BGN: variants seen among roughly 807,000 people sequenced by gnomAD.
BGN encodes bone/cartilage proteoglycan-I.
Under a neutral mutation model 20.0 loss-of-function variants are expected in BGN, and 6 were observed. The observed-to-expected ratio is 0.30, with a 90% CI of 0.16 to 0.59. The LOEUF is 0.59. Ranked by LOEUF, BGN falls within the 20% of genes least tolerant of loss-of-function variation. The pLI, the probability that BGN is intolerant of heterozygous loss-of-function variation, is 0.88. For missense variants in BGN, 292 were observed against 312.1 expected (o/e 0.94, Z 0.49); for synonymous variants, 146 against 134.6 (o/e 1.08, Z -0.59).
At chrX:153,504,598 G>A (rs1450610589) in intron 1 of BGN, 23 bp from the exon 2 acceptor site, 1 of 1,130,311 alleles carries the variant, frequency 8.8e-7, no homozygotes, top group Admixed American at 2.3e-5. Flanking sequence ...TGGTGCTGAT[G>A]ATCCCCTCGC....
chrX:153,505,438 G>A lies in BGN; in HGVS notation c.351+88G>A, dbSNP rs781823831. ...TGCGTGGACGTGTGGGGTATGAGAG[G>A]GGTTCGGGGACTCGTGGGGCTTCAG... On this transcript the variant is annotated intron_variant, in intron 3 of 7. Coordinates refer to ENST00000331595, the MANE Select transcript of BGN (RefSeq NM_001711.6). 7.4e-6 allele frequency: 6 copies of A among 812,388 alleles called. No individual in the cohort carries two copies. The South Asian group carries it at 1.5e-4, about 21-fold the overall frequency. The allele number at this position is 812,388 out of a possible 1,213,427, so 66.9% of individuals were successfully genotyped here. A position where few individuals can be genotyped will look rare whatever the true frequency, so the allele number is the denominator to read the frequency against.
intron 3 of BGN, 96 bp from the exon 4 acceptor site, chrX:153,505,767 A>T: frequency 2.7e-6 from 2 of 745,572 alleles, no homozygotes; most frequent in Non-Finnish European, 3.8e-6. Flanking sequence ...AACCTCCTCG[A>T]GGCCCAGTGG....
intron 7 of BGN, among the ~76,000 whole-genome samples, chrX:153,507,779 T>C (rs1228469914): frequency 1.8e-5 from 2 of 113,654 alleles, no homozygotes; most frequent in African/African-American, 6.4e-5. Flanking sequence ...GCGCCTCGCC[T>C]GCCCACCTCC....
chrX:153,508,620 C>T lies in BGN; in HGVS notation c.*175C>T, dbSNP rs948323355. 2.3e-4 allele frequency: 128 copies of T among 568,416 alleles called. No homozygotes were observed. The Middle Eastern group carries it at 2.7e-3, about 12-fold the overall frequency. The allele number at this position is 568,416 out of a possible 1,213,427, so 46.8% of individuals were successfully genotyped here. A position where few individuals can be genotyped will look rare whatever the true frequency, so the allele number is the denominator to read the frequency against. Reference sequence around the variant, plus strand: ...GCCCCATCACCGCCTCTCCCTGGCTCCCAAGGGTGCAGGTGGGCGCAAGGC... The same window carrying T: ...GCCCCATCACCGCCTCTCCCTGGCTTCCAAGGGTGCAGGTGGGCGCAAGGC... On this transcript the variant is annotated 3_prime_UTR_variant, in exon 8 of 8. Transcript: ENST00000331595.
chrX:153,508,115 C>T, intron 7 of BGN, 133 bp from the exon 8 acceptor site: 5 of 699,452 alleles, frequency 7.1e-6, no homozygotes, highest in Non-Finnish European at 1.1e-5. Flanking sequence ...TGGTTTGCTC[C>T]TCCCAACAAC....
At chrX:153,501,995 C>T (rs2089764055) in intron 1 of BGN, among the ~76,000 whole-genome samples, 1 of 112,567 alleles carries the variant, frequency 8.9e-6, no homozygotes, top group Non-Finnish European at 1.9e-5. Context: ...CCAGTCTTGC[C>T]GTGACTGGCC....
chrX:153,507,680 G>T (rs1227475404), intron 7 of BGN, among the ~76,000 whole-genome samples: 1 of 113,403 alleles, frequency 8.8e-6, no homozygotes, highest in Non-Finnish European at 1.9e-5. Flanking sequence ...AGCCAGCACC[G>T]CGCAGGCCAT....
Position 153,500,771 on chromosome X carries a change from GTGTGTGTGCA to G in BGN, c.-11-3832_-11-3823del, listed in dbSNP as rs782098706. Reference sequence around the variant, plus strand: ...CGTGTGTATAAATGTGTATGTGTGCGTGTGTGTGCATGTGTGTGCATGTGTGTATGTGTGC... The same window carrying G: ...CGTGTGTATAAATGTGTATGTGTGCGTGTGTGTGCATGTGTGTATGTGTGC... On this transcript the variant is annotated intron_variant, in intron 1 of 7. Transcript: ENST00000331595. Among the ~76,000 whole-genome samples, 142 of 109,961 alleles carry G rather than the reference GTGTGTGTGCA, an allele frequency of 1.3e-3. 1 individual carries two copies. Among genetic ancestry groups the G allele is most frequent in the Middle Eastern group, 5.0e-3 (1 of 201 alleles).
At chrX:153,506,995 C>T (rs1436680602) in intron 6 of BGN, 52 bp from the exon 7 acceptor site, 1 of 1,207,198 alleles carries the variant, frequency 8.3e-7, no homozygotes, top group Non-Finnish European at 1.1e-6. Context: ...TCGCGCCCAG[C>T]CCCCCATCCT....
chrX:153,505,462 A>G, intron 3 of BGN, 112 bp downstream of exon 3: 3 of 662,412 alleles, frequency 4.5e-6, no homozygotes, highest in Non-Finnish European at 6.8e-6. Flanking sequence ...GTGGGGCTTC[A>G]GGGTGAAGCC....
intron 4 of BGN, among the ~76,000 whole-genome samples, 180 bp from the exon 5 acceptor site, chrX:153,506,349 G>A (rs782041117): frequency 8.9e-6 from 1 of 112,050 alleles, no homozygotes; most frequent in Admixed American, 9.4e-5. Flanking sequence ...TAGCAGTCCT[G>A]GGGCTAGCAG....
At chrX:153,506,669 C>T (rs781816302) in intron 5 of BGN, 30 bp downstream of exon 5, 25 of 1,181,222 alleles carry the variant, frequency 2.1e-5, no homozygotes, top group Non-Finnish European at 2.8e-5. Context: ...TGCACGCCTG[C>T]CTGCCTCACC....
chrX:153,508,262 C>T lies in BGN; in HGVS notation c.924C>T (p.His308=). The change falls in exon 8 of 8, where the codon CAC becomes CAT. Residue 308 remains histidine, a synonymous_variant. Coordinates refer to ENST00000331595, the MANE Select transcript of BGN (RefSeq NM_001711.6). Reference sequence around the variant, plus strand: ...TCTGCCTTCAGGTGGTCTATCTGCACTCCAACAACATCACCAAAGTGGGTG... The same window carrying T: ...TCTGCCTTCAGGTGGTCTATCTGCATTCCAACAACATCACCAAAGTGGGTG... ...DLKLLQVVYL[H]SNNITKVGVN... 8.2e-7 allele frequency: 1 copy of T among 1,212,169 alleles called. No homozygotes were observed. The highest frequency in any genetic ancestry group is 1.1e-6 in the Non-Finnish European group (1 of 895,560).
intron 1 of BGN, among the ~76,000 whole-genome samples, chrX:153,499,967 G>C (rs1297937782): frequency 1.8e-5 from 2 of 113,387 alleles, no homozygotes; most frequent in East Asian, 2.8e-4. Context: ...GGTTGCTCAG[G>C]GGGGCAGACG....
Position 153,505,894 on chromosome X carries a change from A to T in BGN, c.383A>T (p.Lys128Met), listed in dbSNP as rs782473084. 30 of 1,210,040 alleles carry T rather than the reference A, an allele frequency of 2.5e-5. No individual in the cohort carries two copies. The Admixed American group carries it at 6.5e-4, about 26-fold the overall frequency. Residue 128 changes from lysine (K) to methionine (M), a missense_variant, in exon 4 of 8, where the codon AAG becomes ATG. Lys to Met is a moderately conservative substitution (Grantham distance 95). Coordinates refer to ENST00000331595, the MANE Select transcript of BGN (RefSeq NM_001711.6). ...GTCCTGGTGAACAACAAGATCTCCAAGATCCATGAGAAGGCCTTCAGCCCA... is the reference window on the plus strand; with the variant it reads ...GTCCTGGTGAACAACAAGATCTCCATGATCCATGAGAAGGCCTTCAGCCCA... ...ALVLVNNKIS[K>M]IHEKAFSPLR...
Position 153,504,740 on chromosome X carries a change from AACG to A in BGN, c.111_113del (p.Asp38del). 8.3e-7 allele frequency: 1 copy of A among 1,211,356 alleles called. No individual in the cohort carries two copies. Among genetic ancestry groups the A allele is most frequent in the Non-Finnish European group, 1.1e-6 (1 of 895,310 alleles). The stretch of plus-strand genomic sequence containing the variant: ...CCTGGACGATGGGCCATTCATGATG[AACG>A]ATGAGGAAGCTTCGGGCGCTGACAC... On this transcript the variant is annotated inframe_deletion, in exon 2 of 8. Transcript: ENST00000331595.
At chrX:153,496,497 A>G (rs1257632722) in intron 1 of BGN, among the ~76,000 whole-genome samples, 1 of 112,508 alleles carries the variant, frequency 8.9e-6, no homozygotes, top group Non-Finnish European at 1.9e-5. Context: ...GTGTGGGTAT[A>G]TTGAAAGGAA....
intron 1 of BGN, among the ~76,000 whole-genome samples, chrX:153,500,655 G>A (rs2089750432): frequency 8.8e-6 from 1 of 113,073 alleles, no homozygotes; most frequent in Non-Finnish European, 1.9e-5. Context: ...GTGCATGTAT[G>A]TGTGTACATA....
Position 153,508,561 on chromosome X carries a change from GCCCCCCAC to G in BGN, c.*118_*125del. ...CCAGGGCCCAGCTGCGTCCAACCCAGCCCCCCACCTCGGGTCCCTGACCCCAGCTCGAT... is the reference window on the plus strand; with the variant it reads ...CCAGGGCCCAGCTGCGTCCAACCCAGCTCGGGTCCCTGACCCCAGCTCGAT... On this transcript the variant is annotated 3_prime_UTR_variant, in exon 8 of 8. Coordinates refer to ENST00000331595, the MANE Select transcript of BGN (RefSeq NM_001711.6). The G allele has an allele frequency of 1.1e-6, 1 of 887,881 alleles. No homozygotes were observed. Among genetic ancestry groups the G allele is most frequent in the Non-Finnish European group, 1.6e-6 (1 of 643,398 alleles). 73.2% of individuals were successfully genotyped at this position (887,881 alleles called of 1,213,427 possible). A position where few individuals can be genotyped will look rare whatever the true frequency, so the allele number is the denominator to read the frequency against.
Sources: gnomAD v4.1 joint callset for allele counts (sites outside exome capture counted in the v4.1 genomes callset) on GRCh38, gnomAD v4.1.1 for gene constraint, MANE v1.5 for transcripts, NCBI Gene and HGNC (gene_info 2026-07-23, HGNC 2026-07-21) for gene names.